PIEZO2: variants seen among roughly 807,000 people sequenced by gnomAD.
The protein encoded by PIEZO2 is piezo type mechanosensitive ion channel component 2, also known as piezo-type mechanosensitive ion channel component 2.
PIEZO2 carries 172 observed loss-of-function variants against 337.3 expected under a neutral mutation model. The observed-to-expected ratio is 0.51, with a 90% confidence interval of 0.45 to 0.58. PIEZO2 has a LOEUF of 0.58. Among genes scored for constraint, PIEZO2 ranks in the 20% least tolerant of loss-of-function variants. The probability of loss-of-function intolerance (pLI) is 0.00; values close to 1 mark genes in which losing one functional copy is unlikely to be tolerated. For missense variants in PIEZO2, 3,028 were observed against 3,391.3 expected (o/e 0.89, Z 2.66); for synonymous variants, 1,251 against 1,228.5 (o/e 1.02, Z -0.38).
chr18:10,852,131 G>A (rs2041571727), intron 7 of PIEZO2, among the ~76,000 whole-genome samples: 1 of 152,170 alleles, frequency 6.6e-6, no homozygotes. Flanking sequence ...CATTAATTTA[G>A]TCTAGAAATA....
chr18:10,694,369 A>T (rs1284665061), intron 47 of PIEZO2, among the ~76,000 whole-genome samples: 2 of 151,636 alleles, frequency 1.3e-5, no homozygotes, highest in Non-Finnish European at 2.9e-5. Context: ...ACATACGTAA[A>T]ATCCATTTTT....
At chr18:10,975,169 A>G (rs2034396058) in intron 3 of PIEZO2, among the ~76,000 whole-genome samples, 3 of 152,370 alleles carry the variant, frequency 2.0e-5, no homozygotes, top group South Asian at 4.1e-4. Flanking sequence ...AATTTTCCCT[A>G]TATAGTTTCT....
rs181497511 is a variant in PIEZO2, at chr18:10,984,570, G to T, written c.161-4910C>A. Among the ~76,000 whole-genome samples, 5 of 152,050 alleles carry T rather than the reference G, an allele frequency of 3.3e-5. No individual in the cohort carries two copies. In the South Asian group the frequency reaches 6.2e-4, roughly 19 times the overall value. ...GCACACAAAAAAATAATAAAAAACG[G>T]TTTTTAAAATCCTATGGGACTTACA... On this transcript the variant is annotated intron_variant, in intron 2 of 55. Coordinates refer to ENST00000674853, the MANE Select transcript of PIEZO2 (RefSeq NM_001378183.1).
Position 10,783,316 on chromosome 18 carries a change from A to T in PIEZO2, c.2492+1468T>A, listed in dbSNP as rs2039099048. On this transcript the variant is annotated intron_variant, in intron 17 of 55. Transcript: ENST00000674853. The surrounding 1 kb of genome is among the most constrained non-coding windows in gnomAD (Gnocchi z 4.3). ...AAACATGTTACATGGTCAGAATTAA[A>T]TATCAAATACTAGTTTTATCCACAC... 6.6e-6 allele frequency among the ~76,000 whole-genome samples: 1 copy of T among 152,214 alleles called. No homozygotes were observed.
rs1356019802 is a variant in PIEZO2 at position 10,861,304 on chromosome 18, T to A, written c.493-4093A>T. ...GTCATCTTAGAAACTGAAGACAAAA[T>A]AAACTCTTTACAGTTTAAAAAGTCA... On this transcript the variant is annotated intron_variant, in intron 5 of 55. Coordinates refer to ENST00000674853, the MANE Select transcript of PIEZO2 (RefSeq NM_001378183.1). This position sits in a 1 kb window ranked among gnomAD's most constrained non-coding sequence, Gnocchi z 4.3. Among the ~76,000 whole-genome samples, 5 of 152,172 alleles carry A rather than the reference T, an allele frequency of 3.3e-5. No individual in the cohort carries two copies. Among genetic ancestry groups the A allele is most frequent in the Non-Finnish European group, 7.4e-5 (5 of 68,024 alleles).
At chr18:10,735,039 T>C (rs1399192128) in intron 35 of PIEZO2, among the ~76,000 whole-genome samples, 193 bp downstream of exon 35, 2 of 152,178 alleles carry the variant, frequency 1.3e-5, no homozygotes, top group African/African-American at 2.4e-5. Flanking sequence ...AGAGCAAGAG[T>C]CAAATAATAA....
At chr18:10,686,632 A>G (rs920312250) in intron 49 of PIEZO2, among the ~76,000 whole-genome samples, 1 of 152,216 alleles carries the variant, frequency 6.6e-6, no homozygotes, top group Non-Finnish European at 1.5e-5. Flanking sequence ...AGAGCTCATA[A>G]TAGACAGAAA....
chr18:11,142,654 G>A (rs1599024600), intron 1 of PIEZO2, among the ~76,000 whole-genome samples: 1 of 151,854 alleles, frequency 6.6e-6, no homozygotes, highest in Admixed American at 6.6e-5. Context: ...GGTGGTGCAC[G>A]CCTGTAATCC....
intron 2 of PIEZO2, among the ~76,000 whole-genome samples, chr18:10,985,824 A>G (rs2034848088): frequency 6.6e-6 from 1 of 152,164 alleles, no homozygotes; most frequent in South Asian, 2.1e-4. Flanking sequence ...GGGAGGAAAG[A>G]AATTACAGAA....
chr18:10,733,178 AAAGGACCCCT>A, intron 35 of PIEZO2, among the ~76,000 whole-genome samples: 1 of 152,276 alleles, frequency 6.6e-6, no homozygotes, highest in East Asian at 1.9e-4. Context: ...CTGGCTCAAC[AAAGGACCCCT>A]AAAGAAGAAG....
Position 10,993,558 on chromosome 18 carries a change from G to A in PIEZO2, c.161-13898C>T, listed in dbSNP as rs1323856581. Among the ~76,000 whole-genome samples the A allele has an allele frequency of 2.0e-5, 3 of 151,972 alleles. No individual in the cohort carries two copies. The highest frequency in any genetic ancestry group is 2.1e-4 in the South Asian group (1 of 4,820). On this transcript the variant is annotated intron_variant, in intron 2 of 55. Coordinates refer to ENST00000674853, the MANE Select transcript of PIEZO2 (RefSeq NM_001378183.1). The surrounding 1 kb of genome is among the most constrained non-coding windows in gnomAD (Gnocchi z 5.0). ...TGTTGTTGTTTTGAGGCGGAGTCTC[G>A]CTCTGTGGCCCAGGCTGGAGTACAG...
intron 2 of PIEZO2, among the ~76,000 whole-genome samples, chr18:11,054,820 G>A (rs1049741029): frequency 5.3e-5 from 8 of 152,198 alleles, no homozygotes; most frequent in African/African-American, 1.9e-4. Flanking sequence ...AGAGGAGCAT[G>A]GATGAGATGA....
intron 2 of PIEZO2, among the ~76,000 whole-genome samples, chr18:10,989,453 G>A (rs576138746): frequency 1.5e-4 from 23 of 151,798 alleles, no homozygotes; most frequent in African/African-American, 5.5e-4. Flanking sequence ...AGTGACGAGT[G>A]TGTTCTAAAG....
chr18:10,993,672 G>A lies in PIEZO2; in HGVS notation c.161-14012C>T, dbSNP rs1017635729. Among the ~76,000 whole-genome samples the A allele has an allele frequency of 6.6e-5, 10 of 151,960 alleles. No individual in the cohort carries two copies. The highest frequency in any genetic ancestry group is 2.2e-4 in the African/African-American group (9 of 41,380). On this transcript the variant is annotated intron_variant, in intron 2 of 55. Coordinates refer to ENST00000674853, the MANE Select transcript of PIEZO2 (RefSeq NM_001378183.1). The surrounding 1 kb of genome is among the most constrained non-coding windows in gnomAD (Gnocchi z 5.0). ...CTCCTGAGTAGCTGAGACTACAGGC[G>A]CCTCTCACAATGCCCGGCTAATTTT... is the stretch of plus-strand genomic sequence containing the variant.
chr18:10,879,829 A>G (rs538015982), intron 4 of PIEZO2, among the ~76,000 whole-genome samples: 65 of 152,336 alleles, frequency 4.3e-4, no homozygotes, highest in African/African-American at 1.5e-3. Flanking sequence ...AAATTATGGC[A>G]TATCCATCAA....
chr18:11,093,970 T>TA (rs1253407484), intron 1 of PIEZO2, among the ~76,000 whole-genome samples: 2 of 139,700 alleles, frequency 1.4e-5, no homozygotes, highest in African/African-American at 5.9e-5. Context: ...GATAATTTGT[T>TA]GGGGTTTTTT....
intron 8 of PIEZO2, among the ~76,000 whole-genome samples, chr18:10,805,917 G>T (rs1179542709): frequency 2.0e-5 from 3 of 152,218 alleles, no homozygotes; most frequent in African/African-American, 7.2e-5. Flanking sequence ...TGCGCCTCCT[G>T]CAGTTTTACA....
In PIEZO2 at chr18:11,096,890, G is replaced by C. The variant is rs189744924; in HGVS notation, c.65-30668C>G. 3.3e-5 allele frequency among the ~76,000 whole-genome samples: 5 copies of C among 152,314 alleles called. No individual in the cohort carries two copies. Among genetic ancestry groups the C allele is most frequent in the Admixed American group, 2.6e-4 (4 of 15,298 alleles). Reference sequence around the variant, plus strand: ...ACCACAGTGGCAGAGAATCACCAAAGGTGGATGCTTTCATCTGCAGCCCTC... The same window carrying C: ...ACCACAGTGGCAGAGAATCACCAAACGTGGATGCTTTCATCTGCAGCCCTC... On this transcript the variant is annotated intron_variant, in intron 1 of 55. Transcript: ENST00000674853. This position sits in a 1 kb window ranked among gnomAD's most constrained non-coding sequence, Gnocchi z 4.6.
intron 2 of PIEZO2, among the ~76,000 whole-genome samples, chr18:11,056,962 A>T (rs570686709): frequency 6.6e-6 from 1 of 152,356 alleles, no homozygotes; most frequent in East Asian, 1.9e-4. Context: ...ATCTGTGAGT[A>T]ACTAGGAATA....
Sources: allele counts gnomAD v4.1 joint callset (sites outside exome capture counted in the v4.1 genomes callset), GRCh38; gene constraint gnomAD v4.1.1; non-coding constraint Gnocchi (gnomAD v3.1); transcripts MANE v1.5; gene names NCBI Gene and HGNC (gene_info 2026-07-23, HGNC 2026-07-21).